Variants in RCL1 observed in about 807,000 individuals in gnomAD.
RCL1 encodes the protein RNA 3'-terminal phosphate cyclase-like protein.
Under a neutral mutation model 42.4 loss-of-function variants are expected in RCL1, and 24 were observed. That is an observed-to-expected ratio of 0.57 (90% CI 0.41 to 0.80). The LOEUF (loss-of-function observed/expected upper bound fraction) is 0.80. RCL1 is among the 30% of genes least tolerant of loss of function. The pLI, the probability that RCL1 is intolerant of heterozygous loss-of-function variation, is 0.00. For missense variants in RCL1, 578 were observed against 467.9 expected (o/e 1.24, Z -2.17); for synonymous variants, 228 against 177.3 (o/e 1.29, Z -2.27).
intron 2 of RCL1, among the ~76,000 whole-genome samples, chr9:4,825,393 T>C (rs910936627): frequency 4.6e-5 from 7 of 152,160 alleles, no homozygotes; most frequent in South Asian, 2.1e-4. Context: ...CTTTTTATGG[T>C]TTTTTGATCT....
intron 1 of RCL1, chr9:4,803,836 A>C (rs1563828586): frequency 6.0e-6 from 1 of 165,444 alleles, no homozygotes; most frequent in Non-Finnish European, 1.3e-5. Flanking sequence ...TGGAAAATGC[A>C]GGGTTGTACT....
At chr9:4,798,501 C>T (rs1332542317) in intron 1 of RCL1, among the ~76,000 whole-genome samples, 1 of 152,200 alleles carries the variant, frequency 6.6e-6, no homozygotes, top group Non-Finnish European at 1.5e-5. Context: ...ATGGCTTAAG[C>T]AGATAAGATT....
At chr9:4,804,153 G>C (rs1843055069) in intron 1 of RCL1, 1 of 152,748 alleles carries the variant, frequency 6.5e-6, no homozygotes. Flanking sequence ...GGAAGAGTGG[G>C]AAGTTGGGCT....
At position 4,803,255 on chromosome 9, in the gene RCL1, C is replaced by G. The variant is rs954869323; in HGVS notation, c.136+10028C>G. Among the ~76,000 whole-genome samples, 3 of 152,302 alleles carry G rather than the reference C, an allele frequency of 2.0e-5. No individual in the cohort carries two copies. The South Asian group carries it at 6.2e-4, about 32-fold the overall frequency. ...GTCAAAGTATGCAGCAGTTTCAGAA[C>G]TTTGGCTTCCTTGTTTAGTGCTTTT... On this transcript the variant is annotated intron_variant, in intron 1 of 8. Transcript: ENST00000381750.
chr9:4,826,810 T>G, intron 2 of RCL1, 48 bp from the exon 3 acceptor site: 6 of 1,503,096 alleles, frequency 4.0e-6, no homozygotes, highest in South Asian at 1.2e-5. Flanking sequence ...CTTTGTGACA[T>G]TTTAGTTTTT....
chr9:4,794,930 G>A (rs1842889662), intron 1 of RCL1, among the ~76,000 whole-genome samples: 1 of 152,164 alleles, frequency 6.6e-6, no homozygotes. Flanking sequence ...CTTGGCAGGT[G>A]TGCTGGTATT....
At chr9:4,823,896 T>A (rs1816672950) in intron 2 of RCL1, among the ~76,000 whole-genome samples, 1 of 134,184 alleles carries the variant, frequency 7.5e-6, no homozygotes, top group Non-Finnish European at 1.7e-5. Context: ...TAAAAGCATA[T>A]CATTCTAGAT....
intron 5 of RCL1, among the ~76,000 whole-genome samples, chr9:4,837,857 G>A (rs965827553): frequency 1.3e-5 from 2 of 152,166 alleles, no homozygotes; most frequent in Non-Finnish European, 2.9e-5. Flanking sequence ...GCAGGGGATA[G>A]GACATGGAAA....
intron 8 of RCL1, among the ~76,000 whole-genome samples, chr9:4,854,146 G>T (rs1194061150): frequency 6.6e-6 from 1 of 152,128 alleles, no homozygotes; most frequent in Non-Finnish European, 1.5e-5. Flanking sequence ...TTCCTTCTCA[G>T]ATAAAAAAGA....
In RCL1 at chr9:4,860,713, G is replaced by C; in HGVS notation, c.*438G>C. 6.3e-6 allele frequency: 1 copy of C among 159,070 alleles called. No individual in the cohort carries two copies. The allele number at this position is 159,070 out of a possible 1,614,324, so 9.9% of individuals were successfully genotyped here. ...TCCTTGAGCCTTGGTTTTTGTTGTA[G>C]GGATTAAATGAGATAATATGAGTGG... On this transcript the variant is annotated 3_prime_UTR_variant, in exon 9 of 9. Coordinates refer to ENST00000381750, the MANE Select transcript of RCL1 (RefSeq NM_005772.5).
At chr9:4,856,048 T>C (rs1407448636) in intron 8 of RCL1, among the ~76,000 whole-genome samples, 1 of 152,162 alleles carries the variant, frequency 6.6e-6, no homozygotes, top group East Asian at 1.9e-4. Flanking sequence ...GCCCCAGGCC[T>C]GTGTTAGTTT....
At chr9:4,855,005 A>T (rs1418438438) in intron 8 of RCL1, among the ~76,000 whole-genome samples, 1 of 149,576 alleles carries the variant, frequency 6.7e-6, no homozygotes, top group Non-Finnish European at 1.5e-5. Flanking sequence ...GTTAGCTGAG[A>T]TCGCACCATT....
chr9:4,854,517 G>A (rs1024468991), intron 8 of RCL1, among the ~76,000 whole-genome samples: 1 of 152,136 alleles, frequency 6.6e-6, no homozygotes, highest in Admixed American at 6.5e-5. Context: ...GGAGGAGGAC[G>A]CAGGACCCTC....
At chr9:4,799,743 G>A (rs992979143) in intron 1 of RCL1, among the ~76,000 whole-genome samples, 10 of 152,140 alleles carry the variant, frequency 6.6e-5, no homozygotes, top group African/African-American at 2.2e-4. Context: ...GAAGGGCCTT[G>A]AATGAGTCCT....
intron 1 of RCL1, among the ~76,000 whole-genome samples, chr9:4,819,564 T>G (rs914143886): frequency 1.3e-5 from 2 of 152,214 alleles, no homozygotes; most frequent in African/African-American, 4.8e-5. Flanking sequence ...ATCCCAGCAC[T>G]TTGGGAGGTC....
intron 1 of RCL1, among the ~76,000 whole-genome samples, chr9:4,797,767 A>G (rs1185349401): frequency 6.6e-6 from 1 of 152,234 alleles, no homozygotes; most frequent in African/African-American, 2.4e-5. Context: ...GGATTTAGAA[A>G]CAAATGAGAC....
intron 8 of RCL1, among the ~76,000 whole-genome samples, chr9:4,859,190 C>T (rs1818073620): frequency 6.6e-6 from 1 of 152,198 alleles, no homozygotes; most frequent in Non-Finnish European, 1.5e-5. Flanking sequence ...AATTGCTCTT[C>T]CCAAGGTACT....
chr9:4,827,189 G>T (rs1417997591), intron 3 of RCL1, 156 bp downstream of exon 3: 1 of 1,544,038 alleles, frequency 6.5e-7, no homozygotes, highest in African/African-American at 1.4e-5. Flanking sequence ...CACTCCAGGA[G>T]GCAGATGAAC....
At chr9:4,803,456 C>T (rs1054060011) in intron 1 of RCL1, among the ~76,000 whole-genome samples, 3 of 152,124 alleles carry the variant, frequency 2.0e-5, no homozygotes, top group African/African-American at 7.2e-5. Context: ...TTTCCCTCCC[C>T]TCAACTTAGG....
Sources: allele counts gnomAD v4.1 joint callset (sites outside exome capture counted in the v4.1 genomes callset), GRCh38; gene constraint gnomAD v4.1.1; transcripts MANE v1.5; gene names NCBI Gene and HGNC (gene_info 2026-07-23, HGNC 2026-07-21).